The following SCNN1A variants were observed in gnomAD, a reference collection of about 807,000 sequenced individuals.
SCNN1A encodes the protein epithelial sodium channel subunit alpha.
In SCNN1A, 65 loss-of-function variants were observed where a neutral mutation model predicts 68.6. The observed-to-expected ratio is 0.95, with a 90% CI of 0.78 to 1.16. The LOEUF is 1.16. Ranked by LOEUF, SCNN1A falls within the 50% of genes most tolerant of loss-of-function variation. SCNN1A has a pLI of 0.00. For synonymous variants in SCNN1A, 357 were observed against 353.3 expected, an observed-to-expected ratio of 1.01 and a Z score of -0.12; for missense variants, 880 against 865.9, an observed-to-expected ratio of 1.02 and a Z score of -0.20.
rs147667183 is a variant in SCNN1A, at chr12:6,368,197, G to A, written c.417-4487C>T. Among the ~76,000 whole-genome samples, 1,303 of 152,258 alleles carry A rather than the reference G, an allele frequency of 8.6e-3. 15 individuals carry two copies. The highest frequency in any genetic ancestry group is 0.012 in the Non-Finnish European group (829 of 68,020). ...TTTCACTGAGCAAACAATGAACCTC[G>A]AATCGAGTGCCCCCCGCCCCCAACC... is the stretch of plus-strand genomic sequence containing the variant. On this transcript the variant is annotated intron_variant, in intron 2 of 12. Coordinates refer to ENST00000228916, the MANE Select transcript of SCNN1A (RefSeq NM_001038.6).
rs62625998 is a variant in SCNN1A at position 6,375,337 on chromosome 12, A to AG, written c.-55+167dup. The AG allele has an allele frequency of 6.0e-3, 8,627 of 1,434,876 alleles. 41 individuals are homozygous for AG. Among genetic ancestry groups the AG allele is most frequent in the Non-Finnish European group, 6.9e-3 (7,645 of 1,100,894 alleles). The allele number at this position is 1,434,876 out of a possible 1,614,324, so 88.9% of individuals were successfully genotyped here. On this transcript the variant is annotated intron_variant, in intron 1 of 12. Transcript: ENST00000228916. ...CCTCTCACTCTAGGCCCTCAGCTCC[A>AG]GCCTCTGGCCCTGACCTCGAGCTGT...
chr12:6,361,205 A>G (rs2136880279), intron 4 of SCNN1A, among the ~76,000 whole-genome samples: 1 of 152,286 alleles, frequency 6.6e-6, no homozygotes, highest in South Asian at 2.1e-4. Context: ...AATGAATCTC[A>G]TTTTTTGTTT....
At position 6,355,308 on chromosome 12, in the gene SCNN1A, C is replaced by G. The variant is rs369734906; in HGVS notation, c.1107G>C (p.Leu369Phe). 5 of 1,613,720 alleles carry G rather than the reference C, an allele frequency of 3.1e-6. No homozygotes were observed. The highest frequency in any genetic ancestry group is 1.7e-6 in the Non-Finnish European group (2 of 1,179,832). ...TGATGGAGGTCTCCACGCCAGGCCG[C>G]AAGTTAAAGCCACCATCATCCATAA... ...PAFMDDGGFN[L>F]RPGVETSISM... Residue 369 changes from leucine to phenylalanine, a missense_variant, in exon 6 of 13, where the codon TTG becomes TTC. This residue lies in a region of SCNN1A where 758 missense variants were observed against 721.8 expected (regional missense o/e 1.05). Coordinates refer to ENST00000228916, the MANE Select transcript of SCNN1A (RefSeq NM_001038.6).
At position 6,349,427 on chromosome 12, in the gene SCNN1A, T is replaced by C. The variant is rs766717557; in HGVS notation, c.1361-22A>G. The C allele has an allele frequency of 4.3e-5, 66 of 1,542,962 alleles. 1 individual carries two copies. The highest frequency in any genetic ancestry group is 2.5e-5 in the Non-Finnish European group (28 of 1,134,272). On this transcript the variant is annotated intron_variant, in intron 8 of 12. Coordinates refer to ENST00000228916, the MANE Select transcript of SCNN1A (RefSeq NM_001038.6). ...TACCCTGTGGGTACAGAGAGATGCC[T>C]GTTCTCCTAGGGCACCTCAGCTTTC... is the stretch of plus-strand genomic sequence containing the variant.
rs762896811 is a variant in SCNN1A at position 6,348,723 on chromosome 12, C to A, written c.1629+4G>T. On this transcript the variant is annotated splice_donor_region_variant and intron_variant, in intron 12 of 12. Transcript: ENST00000228916. ...ATCACAGGCTCCATCCAGGCACGAC[C>A]TACCGTGACAGAGGGAGACTCAGAA... is the stretch of plus-strand genomic sequence containing the variant. 1 of 1,612,294 alleles carries A rather than the reference C, an allele frequency of 6.2e-7. No individual in the cohort carries two copies. The highest frequency in any genetic ancestry group is 1.3e-5 in the African/African-American group (1 of 74,624).
intron 4 of SCNN1A, chr12:6,356,307 C>T: frequency 3.9e-6 from 1 of 253,508 alleles, no homozygotes; most frequent in Non-Finnish European, 7.9e-6. Context: ...GTGTTAGTTC[C>T]CCATTGAATC....
chr12:6,352,757 G>C (rs1048319877), intron 8 of SCNN1A, among the ~76,000 whole-genome samples: 1 of 152,218 alleles, frequency 6.6e-6, no homozygotes, highest in African/African-American at 2.4e-5. Flanking sequence ...AGGAGGCCAC[G>C]ACTGGAAAGT....
rs1474621831 is a variant in SCNN1A at position 6,347,067 on chromosome 12, G to C, written c.*806C>G. On this transcript the variant is annotated 3_prime_UTR_variant, in exon 13 of 13. Coordinates refer to ENST00000228916, the MANE Select transcript of SCNN1A (RefSeq NM_001038.6). The stretch of plus-strand genomic sequence containing the variant: ...ACGGGAGCCCAGGAGAAGGCGGAGT[G>C]ATCAATTTTGGGGAAGACAAGATGT... The C allele has an allele frequency of 6.6e-6, 1 of 152,622 alleles. No individual in the cohort carries two copies. Among genetic ancestry groups the C allele is most frequent in the African/African-American group, 2.4e-5 (1 of 41,448 alleles). 9.5% of individuals were successfully genotyped at this position (152,622 alleles called of 1,614,324 possible).
intron 2 of SCNN1A, among the ~76,000 whole-genome samples, chr12:6,370,790 C>T (rs1948775801): frequency 6.6e-6 from 1 of 152,242 alleles, no homozygotes; most frequent in Non-Finnish European, 1.5e-5. Flanking sequence ...CCCCTTGCTT[C>T]ACCCACTCCT....
chr12:6,365,526 T>C (rs997702668), intron 2 of SCNN1A, among the ~76,000 whole-genome samples: 9 of 152,198 alleles, frequency 5.9e-5, no homozygotes, highest in Admixed American at 1.3e-4. Context: ...TGGAATAGAA[T>C]AGAGTCCAGA....
rs1480165545 is a variant in SCNN1A at position 6,355,745 on chromosome 12, G to A, written c.979+32C>T. The A allele has an allele frequency of 2.1e-6, 3 of 1,445,702 alleles. No homozygotes were observed. In the African/African-American group the frequency reaches 4.2e-5, roughly 20 times the overall value. The allele number at this position is 1,445,702 out of a possible 1,614,324, so 89.6% of individuals were successfully genotyped here. A position where few individuals can be genotyped will look rare whatever the true frequency, so the allele number is the denominator to read the frequency against. On this transcript the variant is annotated intron_variant, in intron 5 of 12. Coordinates refer to ENST00000228916, the MANE Select transcript of SCNN1A (RefSeq NM_001038.6). ...AGTACAGGTGAGTGGCTGAAGCAGA[G>A]GGCGCCATGGAGCAAGCAGGGAGCT... is the stretch of plus-strand genomic sequence containing the variant.
At chr12:6,371,424 A>G (rs1948788202) in intron 2 of SCNN1A, among the ~76,000 whole-genome samples, 1 of 151,104 alleles carries the variant, frequency 6.6e-6, no homozygotes, top group African/African-American at 2.4e-5. Context: ...CCTGATCCCT[A>G]CTTAAAGTGT....
At chr12:6,375,350 GACCTC>G in intron 1 of SCNN1A, 150 bp downstream of exon 1, 2 of 1,447,738 alleles carry the variant, frequency 1.4e-6, no homozygotes, top group Non-Finnish European at 1.8e-6. Flanking sequence ...CTCTGGCCCT[GACCTC>G]GAGCTGTGTC....
Position 6,371,406 on chromosome 12 carries a change from G to A in SCNN1A, c.416+2962C>T, listed in dbSNP as rs1227202723. On this transcript the variant is annotated intron_variant, in intron 2 of 12. Coordinates refer to ENST00000228916, the MANE Select transcript of SCNN1A (RefSeq NM_001038.6). Reference sequence around the variant, plus strand: ...CCACCAGCTGCCCCCGACCCTGGGAGGTCTTTGCCTGATCCCTACTTAAAG... The same window carrying A: ...CCACCAGCTGCCCCCGACCCTGGGAAGTCTTTGCCTGATCCCTACTTAAAG... Among the ~76,000 whole-genome samples the A allele has an allele frequency of 2.0e-5, 3 of 151,952 alleles. No individual in the cohort carries two copies. The South Asian group carries it at 6.2e-4, about 32-fold the overall frequency.
chr12:6,374,760 C>T lies in SCNN1A; in HGVS notation c.24G>A (p.Glu8=), dbSNP rs754452040. The change falls in exon 2 of 13, where the codon GAG becomes GAA. Residue 8 remains glutamate, a synonymous_variant. Transcript: ENST00000228916. The surrounding 1 kb of genome is among the most constrained non-coding windows in gnomAD (Gnocchi z 6.2). The stretch of plus-strand genomic sequence containing the variant: ...TGGACTGTGGAGGGCTAGAGTCCTG[C>T]TCCTCCAGCTTGTTCCCCTCCATGA... MEGNKLE[E]QDSSPPQSTP... 6 of 1,614,056 alleles carry T rather than the reference C, an allele frequency of 3.7e-6. No individual in the cohort carries two copies. Among genetic ancestry groups the T allele is most frequent in the Middle Eastern group, 1.6e-4 (1 of 6,062 alleles).
rs185241340 is a variant in SCNN1A at position 6,374,641 on chromosome 12, A to C, written c.143T>G (p.Leu48Arg). Residue 48 changes from leucine to arginine, a missense_variant, in exon 2 of 13, where the codon CTG becomes CGG. By Grantham distance (102) the Leu-to-Arg change is moderately radical. This residue lies in a region of SCNN1A where 77 missense variants were observed against 67.4 expected (regional missense o/e 1.14). Coordinates refer to ENST00000228916, the MANE Select transcript of SCNN1A (RefSeq NM_001038.6). The surrounding 1 kb of genome is among the most constrained non-coding windows in gnomAD (Gnocchi z 6.2). The stretch of plus-strand genomic sequence containing the variant: ...TCGGTAGGAGCGGTGGAACTCGATC[A>C]GGGCCTCCTCCTCCGCCGTGGGCTG... ...PQQPTAEEEA[L>R]IEFHRSYREL... 1 of 1,613,566 alleles carries C rather than the reference A, an allele frequency of 6.2e-7. No individual in the cohort carries two copies.
At chr12:6,355,507 T>C in intron 5 of SCNN1A, 72 bp from the exon 6 acceptor site, 1 of 1,538,450 alleles carries the variant, frequency 6.5e-7, no homozygotes, top group Non-Finnish European at 8.9e-7. Context: ...GGAAATCCAC[T>C]CTCCCTTCCT....
At position 6,347,894 on chromosome 12, in the gene SCNN1A, G is replaced by C. The variant is rs1315854997; in HGVS notation, c.1989C>G (p.Thr663=). 1.5e-5 allele frequency: 24 copies of C among 1,602,100 alleles called. No homozygotes were observed. The highest frequency in any genetic ancestry group is 1.9e-5 in the Non-Finnish European group (22 of 1,174,766). The change falls in exon 13 of 13, where the codon ACC becomes ACG. Residue 663 remains threonine (T), a synonymous_variant. Transcript: ENST00000228916. ...CCTCTCAGGGCCCCCCCAGAGGACA[G>C]GTGGAGGAACTGGCCCCTGCAGAGC... ...PGGSAGASSS[T]CPLGGP
At chr12:6,371,967 T>G (rs577405833) in intron 2 of SCNN1A, among the ~76,000 whole-genome samples, 2 of 152,148 alleles carry the variant, frequency 1.3e-5, no homozygotes, top group East Asian at 3.9e-4. Context: ...TGGCTGATTT[T>G]TGTATTTTTA....
Sources: gnomAD v4.1 joint callset for allele counts (sites outside exome capture counted in the v4.1 genomes callset) on GRCh38, gnomAD v4.1.1 for gene constraint, gnomAD v4.1.1 regional missense constraint, Gnocchi (gnomAD v3.1) non-coding constraint, MANE v1.5 for transcripts, NCBI Gene and HGNC (gene_info 2026-07-23, HGNC 2026-07-21) for gene names.